The following SLCO3A1 variants were observed in gnomAD, a reference collection of about 807,000 sequenced individuals.
The protein encoded by SLCO3A1 is solute carrier organic anion transporter family member 3A1.
A neutral mutation model predicts 63.1 loss-of-function variants in SLCO3A1; 27 were observed. The ratio of observed to expected loss-of-function variants is 0.43; its 90% CI spans 0.32 to 0.59. SLCO3A1 has a LOEUF of 0.59. Ranked by LOEUF, SLCO3A1 falls within the 20% of genes least tolerant of loss-of-function variation. The pLI, the probability that SLCO3A1 is intolerant of heterozygous loss-of-function variation, is 0.09. For synonymous variants in SLCO3A1, 473 were observed against 409.9 expected, an observed-to-expected ratio of 1.15 and a Z score of -1.86; for missense variants, 773 against 945.8, an observed-to-expected ratio of 0.82 and a Z score of 2.40.
chr15:91,953,790 T>C (rs1470022731), intron 2 of SLCO3A1, among the ~76,000 whole-genome samples: 1 of 152,116 alleles, frequency 6.6e-6, no homozygotes, highest in Non-Finnish European at 1.5e-5. Context: ...CCCACACTGC[T>C]GTGACTCTGG....
At chr15:92,159,913 A>T (rs1250221551) in intron 9 of SLCO3A1, among the ~76,000 whole-genome samples, 3 of 152,036 alleles carry the variant, frequency 2.0e-5, no homozygotes, top group African/African-American at 7.2e-5. Flanking sequence ...TGGTTCCTTT[A>T]TGTTGCAAAT....
chr15:92,093,017 C>T (rs2047495534), intron 2 of SLCO3A1, among the ~76,000 whole-genome samples: 1 of 152,198 alleles, frequency 6.6e-6, no homozygotes, highest in Admixed American at 6.5e-5. Flanking sequence ...AGCCCTGTTT[C>T]TGTGATATAA....
rs1438236831 is a variant in SLCO3A1, at chr15:92,136,293, C to T, written c.1512+7804C>T. 3.3e-5 allele frequency among the ~76,000 whole-genome samples: 5 copies of T among 152,128 alleles called. No homozygotes were observed. In the East Asian group the frequency reaches 9.6e-4, roughly 29 times the overall value. On this transcript the variant is annotated intron_variant, in intron 7 of 9. Coordinates refer to ENST00000318445, the MANE Select transcript of SLCO3A1 (RefSeq NM_013272.4). Reference sequence around the variant, plus strand: ...ATCTTTCCACCTTGAACTTCGCTTCCTTTGTACAATTAATAGGGATCGATC... The same window carrying T: ...ATCTTTCCACCTTGAACTTCGCTTCTTTTGTACAATTAATAGGGATCGATC...
At chr15:91,982,692 C>T (rs1303525386) in intron 2 of SLCO3A1, among the ~76,000 whole-genome samples, 1 of 152,262 alleles carries the variant, frequency 6.6e-6, no homozygotes, top group Non-Finnish European at 1.5e-5. Flanking sequence ...GTCCTGGAAT[C>T]ACAAGTGATT....
chr15:92,002,954 T>C (rs2046272661), intron 2 of SLCO3A1, among the ~76,000 whole-genome samples: 1 of 152,146 alleles, frequency 6.6e-6, no homozygotes, highest in Non-Finnish European at 1.5e-5. Context: ...GCCTCAATTC[T>C]CAAATCTGAA....
At chr15:91,864,685 T>C (rs1050117939) in intron 1 of SLCO3A1, among the ~76,000 whole-genome samples, 3 of 152,156 alleles carry the variant, frequency 2.0e-5, no homozygotes, top group African/African-American at 7.2e-5. Context: ...CTCAAGGGCT[T>C]GTGGCACCCA....
At chr15:92,034,733 C>A (rs62008567) in intron 2 of SLCO3A1, among the ~76,000 whole-genome samples, 42,866 of 151,506 alleles carry the variant, frequency 0.28, 6,504 homozygotes, top group East Asian at 0.4. Flanking sequence ...CCCACTTTCA[C>A]GCCTGGGAAG....
intron 2 of SLCO3A1, among the ~76,000 whole-genome samples, chr15:92,074,482 G>GATCTTAGGATCC (rs2047252689): frequency 6.6e-6 from 1 of 152,142 alleles, no homozygotes; most frequent in African/African-American, 2.4e-5. Flanking sequence ...CTGGTCTCAG[G>GATCTTAGGATCC]TGGGCCTTAA....
intron 2 of SLCO3A1, among the ~76,000 whole-genome samples, chr15:91,946,721 C>T (rs1194276728): frequency 1.3e-5 from 2 of 152,118 alleles, no homozygotes; most frequent in Non-Finnish European, 2.9e-5. Context: ...GATGCAGTTA[C>T]ATGAAAAAGG....
chr15:92,084,261 T>TA (rs1435734630), intron 2 of SLCO3A1, among the ~76,000 whole-genome samples: 2 of 152,258 alleles, frequency 1.3e-5, no homozygotes, highest in East Asian at 3.9e-4. Context: ...TAAAACGTCA[T>TA]AAAAAAAGAA....
intron 2 of SLCO3A1, among the ~76,000 whole-genome samples, chr15:92,081,381 C>T (rs4984320): frequency 0.11 from 16,124 of 151,340 alleles, 1,620 homozygotes; most frequent in East Asian, 0.25. Flanking sequence ...GACAGAGTCT[C>T]GCTCTATTGC....
At chr15:91,992,583 T>C (rs1219513823) in intron 2 of SLCO3A1, among the ~76,000 whole-genome samples, 4 of 152,176 alleles carry the variant, frequency 2.6e-5, no homozygotes, top group Non-Finnish European at 4.4e-5. Flanking sequence ...TGGCATGCAG[T>C]ATTGTGTACA....
At chr15:91,911,121 C>CTGA (rs1159258776) in intron 1 of SLCO3A1, among the ~76,000 whole-genome samples, 4 of 152,214 alleles carry the variant, frequency 2.6e-5, no homozygotes, top group Non-Finnish European at 5.9e-5. Flanking sequence ...GGGCTAAGTG[C>CTGA]TGATAGTTTC....
chr15:91,855,900 T>C (rs1435923660), intron 1 of SLCO3A1, among the ~76,000 whole-genome samples: 4 of 152,140 alleles, frequency 2.6e-5, no homozygotes, highest in Admixed American at 2.0e-4. Context: ...GCATTATTCA[T>C]GTGTGGCAAA....
At chr15:92,112,691 C>T (rs978097722) in intron 4 of SLCO3A1, among the ~76,000 whole-genome samples, 2 of 152,308 alleles carry the variant, frequency 1.3e-5, no homozygotes, top group South Asian at 2.1e-4. Context: ...GCAGGGGACT[C>T]ACTCACCAAA....
At chr15:92,036,359 CTTTT>C (rs768649802) in intron 2 of SLCO3A1, among the ~76,000 whole-genome samples, 3 of 50,364 alleles carry the variant, frequency 6.0e-5, no homozygotes, top group African/African-American at 1.2e-4. Context: ...CTGAGGTTTT[CTTTT>C]TTTTTTTTTT....
chr15:92,071,121 G>A (rs567688452), intron 2 of SLCO3A1, among the ~76,000 whole-genome samples: 1 of 152,332 alleles, frequency 6.6e-6, no homozygotes, highest in Admixed American at 6.5e-5. Flanking sequence ...AAAGAAGCAG[G>A]ACTCTCCCTG....
chr15:91,951,834 C>T (rs1308550058), intron 2 of SLCO3A1, among the ~76,000 whole-genome samples: 2 of 152,180 alleles, frequency 1.3e-5, no homozygotes, highest in Non-Finnish European at 2.9e-5. Flanking sequence ...GGATTATAGG[C>T]GTGAGCCACC....
chr15:92,054,082 G>A (rs1167628590), intron 2 of SLCO3A1, among the ~76,000 whole-genome samples: 1 of 152,146 alleles, frequency 6.6e-6, no homozygotes, highest in Non-Finnish European at 1.5e-5. Context: ...TCTATATTTT[G>A]ATTTACAATC....
Sources: allele counts gnomAD v4.1 joint callset (sites outside exome capture counted in the v4.1 genomes callset), GRCh38; gene constraint gnomAD v4.1.1; transcripts MANE v1.5; gene names NCBI Gene and HGNC (gene_info 2026-07-23, HGNC 2026-07-21).